ARHGEF40: variants seen among roughly 807,000 people sequenced by gnomAD.
The protein encoded by ARHGEF40 is Rho guanine nucleotide exchange factor (GEF) 40.
A neutral mutation model predicts 165.9 loss-of-function variants in ARHGEF40; 98 were observed. That is an observed-to-expected ratio of 0.59 (90% CI 0.50 to 0.70). The LOEUF is 0.70. Among genes scored for constraint, ARHGEF40 ranks in the 30% least tolerant of loss-of-function variants. The probability of loss-of-function intolerance (pLI) is 0.00; values close to 1 mark genes in which losing one functional copy is unlikely to be tolerated. For missense variants in ARHGEF40, 1,815 were observed against 1,968.0 expected (o/e 0.92, Z 1.47); for synonymous variants, 792 against 814.3 (o/e 0.97, Z 0.47).
chr14:21,082,715 T>G, intron 15 of ARHGEF40, 116 bp from the exon 16 acceptor site: 1 of 1,151,834 alleles, frequency 8.7e-7, no homozygotes, highest in Non-Finnish European at 1.3e-6. Flanking sequence ...GTAGGCTGAG[T>G]GCTCCCTGGT....
chr14:21,087,723 G>A (rs1888472265), intron 21 of ARHGEF40: 1 of 687,278 alleles, frequency 1.5e-6, no homozygotes, highest in South Asian at 1.9e-5. Flanking sequence ...TCAGCTTCCT[G>A]TTGTACCCTC....
At chr14:21,062,800 G>T in the ARHGEF40 span, among the ~76,000 whole-genome samples, 7 of 149,938 alleles carry the variant, frequency 4.7e-5, no homozygotes, top group East Asian at 1.2e-3. Context: ...GTAGTGCAGT[G>T]GTGCGATCTC....
chr14:21,077,208 G>A (rs987165369), intron 8 of ARHGEF40, among the ~76,000 whole-genome samples: 7 of 151,716 alleles, frequency 4.6e-5, no homozygotes, highest in African/African-American at 7.3e-5. Flanking sequence ...GGACTCAGGC[G>A]ATCCTCCCAT....
At position 21,073,390 on chromosome 14, in the gene ARHGEF40, T is replaced by G; in HGVS notation, c.201+148T>G. On this transcript the variant is annotated intron_variant, in intron 2 of 23. Transcript: ENST00000298694. The surrounding 1 kb of genome is among the most constrained non-coding windows in gnomAD (Gnocchi z 4.6). ...CCAGAATCACTTAAGCTTCATTCTC[T>G]GACCTCTCACAAACTTTGACCTTCA... The G allele has an allele frequency of 1.1e-6, 1 of 925,426 alleles. No homozygotes were observed. The highest frequency in any genetic ancestry group is 1.6e-6 in the Non-Finnish European group (1 of 625,518). 57.3% of individuals were successfully genotyped at this position (925,426 alleles called of 1,614,324 possible).
At position 21,074,621 on chromosome 14, in the gene ARHGEF40, T is replaced by C. The variant is rs1190782852; in HGVS notation, c.891T>C (p.Pro297=). 5.1e-6 allele frequency: 8 copies of C among 1,566,252 alleles called. No homozygotes were observed. The highest frequency in any genetic ancestry group is 6.9e-6 in the Non-Finnish European group (8 of 1,156,802). The change falls in exon 3 of 24, where the codon CCT becomes CCC. Residue 297 remains proline, a synonymous_variant. Transcript: ENST00000298694. This position sits in a 1 kb window ranked among gnomAD's most constrained non-coding sequence, Gnocchi z 4.8. The stretch of plus-strand genomic sequence containing the variant: ...GGATGCACCAGAAGGGCCTGGGGCC[T>C]CGGGGCCAGGATGGAGCACGCCCAC... ...RAWMHQKGLG[P]RGQDGARPPG...
chr14:21,082,742 G>A (rs1221210897), intron 15 of ARHGEF40, 89 bp from the exon 16 acceptor site: 2 of 1,374,820 alleles, frequency 1.5e-6, no homozygotes, highest in African/African-American at 2.9e-5. Context: ...TCCCTCATTT[G>A]GGCTACAGAG....
chr14:21,087,903 G>A, intron 21 of ARHGEF40, 65 bp from the exon 22 acceptor site: 2 of 1,606,510 alleles, frequency 1.2e-6, no homozygotes, highest in Non-Finnish European at 1.7e-6. Flanking sequence ...TGATGGAGCA[G>A]CTTGGTTGCT....
upstream of ARHGEF40, among the ~76,000 whole-genome samples, chr14:21,068,648 C>T (rs530381309): frequency 5.9e-5 from 9 of 152,300 alleles, 1 homozygote; most frequent in South Asian, 1.7e-3. Context: ...TCCTAGCTCG[C>T]GGGCCCTCGT....
Position 21,078,203 on chromosome 14 carries a change from C to T in ARHGEF40, c.2061C>T (p.Cys687=). Residue 687 remains cysteine (C), a synonymous_variant, in exon 9 of 24, where the codon TGC becomes TGT. Coordinates refer to ENST00000298694, the MANE Select transcript of ARHGEF40 (RefSeq NM_018071.5). ...AAGTGGTAAGGCTATGTCGCCTGTG[C>T]CAAGGTGTGCTGGGCTCGGTACGGC... ...HQEVVRLCRL[C]QGVLGSVRQA... is the part of the protein sequence containing the mutation. 1.2e-6 allele frequency: 2 copies of T among 1,613,890 alleles called. No homozygotes were observed. Among genetic ancestry groups the T allele is most frequent in the Non-Finnish European group, 1.7e-6 (2 of 1,179,924 alleles).
chr14:21,085,695 G>T lies in ARHGEF40; in HGVS notation c.3967G>T (p.Asp1323Tyr), dbSNP rs749493005. ...FVYKQAFKTADMGLTENIGDS... is the reference protein window; with the variant it reads ...FVYKQAFKTAYMGLTENIGDS... Reference sequence around the variant, plus strand: ...GCCCTCTGCTCTTCCTCAGACTGCTGATATGGGGCTGACAGAAAACATCGG... The same window carrying T: ...GCCCTCTGCTCTTCCTCAGACTGCTTATATGGGGCTGACAGAAAACATCGG... The change falls in exon 19 of 24, where the codon GAT (aspartate) becomes TAT (tyrosine). Residue 1323 changes from aspartate to tyrosine, a missense_variant. Coordinates refer to ENST00000298694, the MANE Select transcript of ARHGEF40 (RefSeq NM_018071.5). 6.2e-7 allele frequency: 1 copy of T among 1,613,792 alleles called. No individual in the cohort carries two copies. The highest frequency in any genetic ancestry group is 2.2e-5 in the East Asian group (1 of 44,892).
At chr14:21,078,684 G>A (rs376710102) in intron 10 of ARHGEF40, among the ~76,000 whole-genome samples, 196 bp downstream of exon 10, 2 of 152,340 alleles carry the variant, frequency 1.3e-5, no homozygotes, top group African/African-American at 4.8e-5. Context: ...AGGATTTGGA[G>A]GATCAGAAAT....
chr14:21,081,745 G>A lies in ARHGEF40; in HGVS notation c.2877G>A (p.Glu959=), dbSNP rs1233913378. 1.3e-6 allele frequency: 2 copies of A among 1,579,782 alleles called. No individual in the cohort carries two copies. The highest frequency in any genetic ancestry group is 1.7e-6 in the Non-Finnish European group (2 of 1,163,018). Residue 959 remains glutamate (E), a synonymous_variant, in exon 14 of 24, where the codon GAG becomes GAA. Coordinates refer to ENST00000298694, the MANE Select transcript of ARHGEF40 (RefSeq NM_018071.5). ...GGATCCAGCAACACGTGGGAGAGGA[G>A]GCGAGCCCACGGGGCTACCGACGAC... ...ERRIQQHVGE[E]ASPRGYRRRR... is the part of the protein sequence containing the mutation.
rs753203762 is a variant in ARHGEF40, at chr14:21,070,370, G to C, written c.-27G>C. The C allele has an allele frequency of 7.1e-7, 1 of 1,406,376 alleles. No homozygotes were observed. The highest frequency in any genetic ancestry group is 9.2e-7 in the Non-Finnish European group (1 of 1,088,442). The allele number at this position is 1,406,376 out of a possible 1,614,324, so 87.1% of individuals were successfully genotyped here. A position where few individuals can be genotyped will look rare whatever the true frequency, so the allele number is the denominator to read the frequency against. Reference sequence around the variant, plus strand: ...CGCCCGGCCCCGCCCGCCCGACCAAGCGTCGGACGCGGCCCGGCGCCGAGC... The same window carrying C: ...CGCCCGGCCCCGCCCGCCCGACCAACCGTCGGACGCGGCCCGGCGCCGAGC... On this transcript the variant is annotated 5_prime_UTR_variant, in exon 1 of 24. Coordinates refer to ENST00000298694, the MANE Select transcript of ARHGEF40 (RefSeq NM_018071.5). This position sits in a 1 kb window ranked among gnomAD's most constrained non-coding sequence, Gnocchi z 4.7.
In ARHGEF40 at chr14:21,088,097, A is replaced by G; in HGVS notation, c.4517A>G (p.Gln1506Arg). The G allele has an allele frequency of 6.2e-7, 1 of 1,606,922 alleles. No homozygotes were observed. The highest frequency in any genetic ancestry group is 2.2e-5 in the East Asian group (1 of 44,548). ...ASRGILGLSR[Q>R]SHARALSDPT... The stretch of plus-strand genomic sequence containing the variant: ...CGAGGGATCTTAGGGCTATCCCGAC[A>G]GGTAAGTTCCTACAACGAGGCTGGG... The change falls in exon 22 of 24, where the codon CAG (glutamine) becomes CGG (arginine). Residue 1506 changes from glutamine to arginine, a missense_variant and splice_region_variant. Gln to Arg is a conservative substitution (Grantham distance 43, BLOSUM62 1). Transcript: ENST00000298694.
upstream of ARHGEF40, among the ~76,000 whole-genome samples, chr14:21,066,974 C>T (rs1886301833): frequency 6.6e-6 from 1 of 152,212 alleles, no homozygotes; most frequent in South Asian, 2.1e-4. Context: ...GCTCTCAAGT[C>T]CGTCCCTAAA....
At chr14:21,079,664 A>G (rs1887712034) in intron 11 of ARHGEF40, among the ~76,000 whole-genome samples, 1 of 152,150 alleles carries the variant, frequency 6.6e-6, no homozygotes, top group Non-Finnish European at 1.5e-5. Flanking sequence ...TGGACACTTC[A>G]TGGACCTGTA....
upstream of ARHGEF40, chr14:21,070,120 G>A (rs1038820421): frequency 9.6e-6 from 2 of 207,516 alleles, no homozygotes; most frequent in African/African-American, 2.3e-5. The surrounding 1 kb of genome is among the most constrained non-coding windows in gnomAD (Gnocchi z 4.7). Context: ...GGGACGCCCG[G>A]GGAACGGCAG....
intron 10 of ARHGEF40, 147 bp downstream of exon 10, chr14:21,078,635 C>CGTTG (rs1887628480): frequency 1.1e-6 from 1 of 935,098 alleles, no homozygotes; most frequent in East Asian, 2.7e-5. Flanking sequence ...GTCTCATAAC[C>CGTTG]CTCACAACAT....
In ARHGEF40 at chr14:21,075,378, G is replaced by T. The variant is rs148260209; in HGVS notation, c.1497G>T (p.Pro499=). 1 of 1,614,168 alleles carries T rather than the reference G, an allele frequency of 6.2e-7. No individual in the cohort carries two copies. Among genetic ancestry groups the T allele is most frequent in the African/African-American group, 1.3e-5 (1 of 75,046 alleles). ...EGPLSDTPTP[P]LETVQEGKGD... The stretch of plus-strand genomic sequence containing the variant: ...CCCTGTCTGACACTCCAACACCTCC[G>T]CTGGAGACTGTGCAGGAAGGAAAAG... Residue 499 remains proline, a synonymous_variant, in exon 4 of 24, where the codon CCG becomes CCT. Coordinates refer to ENST00000298694, the MANE Select transcript of ARHGEF40 (RefSeq NM_018071.5). The surrounding 1 kb of genome is among the most constrained non-coding windows in gnomAD (Gnocchi z 4.5).
Sources: allele counts gnomAD v4.1 joint callset (sites outside exome capture counted in the v4.1 genomes callset), GRCh38; gene constraint gnomAD v4.1.1; non-coding constraint Gnocchi (gnomAD v3.1); transcripts MANE v1.5; gene names NCBI Gene and HGNC (gene_info 2026-07-23, HGNC 2026-07-21).